The following INSC variants were observed in gnomAD, a reference collection of about 807,000 sequenced individuals.
INSC encodes the protein protein inscuteable homolog.
A neutral mutation model predicts 58.6 loss-of-function variants in INSC; 67 were observed. That is an observed-to-expected ratio of 1.14 (90% confidence interval 0.94 to 1.40). The LOEUF (loss-of-function observed/expected upper bound fraction) is 1.40, where lower values mean the gene tolerates loss of function less well. Ranked by LOEUF, INSC falls within the 40% of genes most tolerant of loss-of-function variation. The probability of loss-of-function intolerance (pLI) is 0.00; values close to 1 mark genes in which losing one functional copy is unlikely to be tolerated. For missense variants in INSC, 714 were observed against 692.0 expected (o/e 1.03, Z -0.36); for synonymous variants, 262 against 276.1 (o/e 0.95, Z 0.51).
At chr11:15,263,329 G>A in the INSC span, among the ~76,000 whole-genome samples, 4 of 152,114 alleles carry the variant, frequency 2.6e-5, no homozygotes, top group African/African-American at 9.7e-5. Flanking sequence ...TCCAACTTTG[G>A]TGAATGACAT....
At position 15,128,884 on chromosome 11, in the gene INSC, C is replaced by T. The variant is rs564837306; in HGVS notation, c.-46+13881C>T. Among the ~76,000 whole-genome samples the T allele has an allele frequency of 2.0e-5, 3 of 152,328 alleles. No individual in the cohort carries two copies. The East Asian group carries it at 5.8e-4, about 29-fold the overall frequency. On this transcript the variant is annotated intron_variant, in intron 1 of 12. Coordinates refer to ENST00000379556, the MANE Select transcript of INSC (RefSeq NM_001042536.3). ...TGTTAGCAGGGTGGTGGGTATCTGG[C>T]CAGTGCCTCTTAGTTAACCTTCCCT...
At chr11:15,202,089 C>T (rs1223264318) in intron 7 of INSC, among the ~76,000 whole-genome samples, 1 of 152,174 alleles carries the variant, frequency 6.6e-6, no homozygotes, top group Non-Finnish European at 1.5e-5. Context: ...GCTCATTTTA[C>T]AGATGACAAG....
At chr11:15,129,781 A>G (rs748702532) in intron 1 of INSC, among the ~76,000 whole-genome samples, 59 of 152,174 alleles carry the variant, frequency 3.9e-4, no homozygotes, top group Admixed American at 3.1e-3. Context: ...ATACCCTTGG[A>G]TTTTCTACAT....
downstream of INSC, among the ~76,000 whole-genome samples, chr11:15,249,045 T>G (rs114454039): frequency 0.017 from 2,623 of 152,160 alleles, 75 homozygotes; most frequent in African/African-American, 0.059. Flanking sequence ...CCGCTGTGAG[T>G]GACATGGAGT....
intron 1 of INSC, among the ~76,000 whole-genome samples, chr11:15,141,503 C>T (rs889758958): frequency 6.6e-6 from 1 of 152,182 alleles, no homozygotes; most frequent in Admixed American, 6.5e-5. Context: ...TTGTTGGGCT[C>T]TGACACCTGA....
At chr11:15,121,197 A>G (rs1847864101) in intron 1 of INSC, among the ~76,000 whole-genome samples, 1 of 152,144 alleles carries the variant, frequency 6.6e-6, no homozygotes, top group Non-Finnish European at 1.5e-5. Flanking sequence ...GGTCCTAATA[A>G]TGTCTTTATG....
intron 6 of INSC, among the ~76,000 whole-genome samples, chr11:15,200,462 C>G (rs1383606721): frequency 6.6e-6 from 1 of 152,072 alleles, no homozygotes; most frequent in East Asian, 1.9e-4. Context: ...TGACTCCAGG[C>G]CTGCTCTATG....
At chr11:15,263,226 T>C in the INSC span, among the ~76,000 whole-genome samples, 4 of 152,106 alleles carry the variant, frequency 2.6e-5, no homozygotes, top group Admixed American at 6.6e-5. Context: ...GAACACAGCG[T>C]TAACAGGTTT....
chr11:15,174,057 T>C (rs1292482453), intron 2 of INSC, among the ~76,000 whole-genome samples: 1 of 152,152 alleles, frequency 6.6e-6, no homozygotes, highest in African/African-American at 2.4e-5. Context: ...CCATAGGATC[T>C]ACTCCCCTCA....
At chr11:15,226,006 AC>A (rs1851624558) in intron 9 of INSC, among the ~76,000 whole-genome samples, 178 bp downstream of exon 9, 1 of 151,754 alleles carries the variant, frequency 6.6e-6, no homozygotes, top group Admixed American at 6.6e-5. Flanking sequence ...CTCTATGAGA[AC>A]TCCTACCCTC....
chr11:15,114,135 A>T (rs4564318), upstream of INSC, among the ~76,000 whole-genome samples: 13 of 150,648 alleles, frequency 8.6e-5, no homozygotes, highest in African/African-American at 3.2e-4. Context: ...GGGGAGGGGG[A>T]GTTGTATGAA....
At chr11:15,206,382 C>T (rs1034096029) in intron 7 of INSC, among the ~76,000 whole-genome samples, 1 of 152,134 alleles carries the variant, frequency 6.6e-6, no homozygotes, top group African/African-American at 2.4e-5. Flanking sequence ...AGAGGGGACA[C>T]CACAGCAGGG....
rs373090518 is a variant in INSC, at chr11:15,190,819, G to A, written c.693+5G>A. Reference sequence around the variant, plus strand: ...TTGTGCCGCATCATAGCCAAGGTGAGCTTCATGGTTAGGGACCAAAATGGC... The same window carrying A: ...TTGTGCCGCATCATAGCCAAGGTGAACTTCATGGTTAGGGACCAAAATGGC... On this transcript the variant is annotated splice_donor_5th_base_variant and intron_variant, in intron 6 of 12. Transcript: ENST00000379556. The A allele has an allele frequency of 3.1e-6, 5 of 1,604,180 alleles. No homozygotes were observed. The highest frequency in any genetic ancestry group is 3.4e-6 in the Non-Finnish European group (4 of 1,171,170).
rs533955426 is a variant in INSC at position 15,164,220 on chromosome 11, G to A, written c.57-11521G>A. 2.0e-4 allele frequency among the ~76,000 whole-genome samples: 30 copies of A among 152,312 alleles called. 1 individual carries two copies. The East Asian group carries it at 5.2e-3, about 26-fold the overall frequency. ...TTTTTAAAATAACTATATATGGGAT[G>A]AGACTACAATAACTTTCTGTTGCTC... On this transcript the variant is annotated intron_variant, in intron 2 of 12. Transcript: ENST00000379556.
chr11:15,221,405 C>T, intron 7 of INSC, 72 bp from the exon 8 acceptor site: 10 of 1,508,122 alleles, frequency 6.6e-6, no homozygotes, highest in Non-Finnish European at 8.1e-6. Context: ...GAATCTGTAT[C>T]TGTCTCATTA....
At chr11:15,253,913 T>C in the INSC span, among the ~76,000 whole-genome samples, 1 of 152,072 alleles carries the variant, frequency 6.6e-6, no homozygotes, top group Admixed American at 6.5e-5. Context: ...GGGTAAGAAG[T>C]CATAACAGGG....
chr11:15,214,602 T>C (rs1380796156), intron 7 of INSC, among the ~76,000 whole-genome samples: 1 of 152,170 alleles, frequency 6.6e-6, no homozygotes, highest in African/African-American at 2.4e-5. Flanking sequence ...TGCCCATAAA[T>C]CTGATATGAT....
intron 9 of INSC, among the ~76,000 whole-genome samples, chr11:15,228,149 G>A (rs1235971604): frequency 2.0e-5 from 3 of 152,328 alleles, no homozygotes; most frequent in East Asian, 3.9e-4. Context: ...CACTGTCAAT[G>A]TTATTACAAT....
chr11:15,201,198 G>A (rs908458040), intron 7 of INSC, among the ~76,000 whole-genome samples: 1 of 152,168 alleles, frequency 6.6e-6, no homozygotes, highest in East Asian at 1.9e-4. Context: ...TTCCTGGGTG[G>A]GGTGACAACT....
Sources: gnomAD v4.1 joint callset for allele counts (sites outside exome capture counted in the v4.1 genomes callset) on GRCh38, gnomAD v4.1.1 for gene constraint, MANE v1.5 for transcripts, NCBI Gene and HGNC (gene_info 2026-07-23, HGNC 2026-07-21) for gene names.